Variants in MAGI2 observed in about 807,000 individuals in gnomAD.
The protein encoded by MAGI2 is membrane associated guanylate kinase, WW and PDZ domain containing 2.
A neutral mutation model predicts 133.3 loss-of-function variants in MAGI2; 35 were observed. That is an observed-to-expected ratio of 0.26 (90% confidence interval 0.20 to 0.35). The LOEUF (loss-of-function observed/expected upper bound fraction) is 0.35. Among genes scored for constraint, MAGI2 ranks in the 10% least tolerant of loss-of-function variants. The probability of loss-of-function intolerance (pLI) is 1.00; values close to 1 mark genes in which losing one functional copy is unlikely to be tolerated. For missense variants in MAGI2, 1,636 were observed against 1,863.4 expected, an observed-to-expected ratio of 0.88 and a Z score of 2.25; for synonymous variants, 729 against 710.6, an observed-to-expected ratio of 1.03 and a Z score of -0.41.
intron 13 of MAGI2, 106 bp from the exon 14 acceptor site, chr7:78,178,208 G>A: frequency 1.4e-6 from 1 of 715,258 alleles, no homozygotes; most frequent in Non-Finnish European, 2.4e-6. Flanking sequence ...CGATTAATGA[G>A]AGTGCTGTTA....
At chr7:78,301,303 A>C (rs1358631631) in intron 9 of MAGI2, among the ~76,000 whole-genome samples, 1 of 152,216 alleles carries the variant, frequency 6.6e-6, no homozygotes, top group East Asian at 1.9e-4. Flanking sequence ...CTTTCAAGAA[A>C]GATCAGTAAA....
rs1408179930 is a variant in MAGI2 at position 79,324,667 on chromosome 7, A to T, written c.301+128353T>A. 6.1e-4 allele frequency among the ~76,000 whole-genome samples: 9 copies of T among 14,660 alleles called. 3 individuals are homozygous for T. The highest frequency in any genetic ancestry group is 1.9e-3 in the African/African-American group (9 of 4,678). The allele number at this position is 14,660 out of a possible 152,430, so 9.6% of individuals were successfully genotyped here. On this transcript the variant is annotated intron_variant, in intron 1 of 21. Transcript: ENST00000354212. ...AAATATATATATATTATATATATAT[A>T]AAATATATATATATTATATATATAT... is the stretch of plus-strand genomic sequence containing the variant.
At chr7:78,397,514 G>A (rs1399667780) in intron 6 of MAGI2, among the ~76,000 whole-genome samples, 2 of 151,974 alleles carry the variant, frequency 1.3e-5, no homozygotes, top group East Asian at 3.9e-4. Context: ...GCATATCTGG[G>A]TTGGCCTGGA....
intron 3 of MAGI2, among the ~76,000 whole-genome samples, chr7:78,602,992 G>A (rs959188749): frequency 6.6e-6 from 1 of 152,096 alleles, no homozygotes; most frequent in South Asian, 2.1e-4. Flanking sequence ...AGAGAAATAC[G>A]ATCAAAGCTT....
chr7:78,093,075 G>T (rs1174387125), intron 20 of MAGI2, among the ~76,000 whole-genome samples: 1 of 141,130 alleles, frequency 7.1e-6, no homozygotes, highest in Non-Finnish European at 1.5e-5. Flanking sequence ...GGCAGAGCTT[G>T]CAGTGAGCCC....
chr7:79,360,051 T>C (rs1023010581), intron 1 of MAGI2, among the ~76,000 whole-genome samples: 5 of 152,108 alleles, frequency 3.3e-5, no homozygotes, highest in Non-Finnish European at 5.9e-5. Flanking sequence ...TTCAAAAAAA[T>C]TAAATTCATC....
At chr7:79,326,056 C>T (rs1839672229) in intron 1 of MAGI2, among the ~76,000 whole-genome samples, 1 of 152,124 alleles carries the variant, frequency 6.6e-6, no homozygotes, top group African/African-American at 2.4e-5. Context: ...TGCACAAAAA[C>T]ATTCACACAC....
intron 6 of MAGI2, among the ~76,000 whole-genome samples, chr7:78,393,018 C>T (rs530803289): frequency 1.3e-5 from 2 of 152,176 alleles, no homozygotes; most frequent in Admixed American, 6.5e-5. Context: ...CAGGACAGTG[C>T]ATGGAATATA....
Position 78,758,834 on chromosome 7 carries a change from G to A in MAGI2, c.419-131595C>T, listed in dbSNP as rs11982869. Among the ~76,000 whole-genome samples the A allele has an allele frequency of 7.2e-3, 1,099 of 152,152 alleles. 8 individuals carry two copies. The highest frequency in any genetic ancestry group is 0.025 in the African/African-American group (1,041 of 41,520). ...ATTCATTCTTCAAAATCTTATGTAG[G>A]TTCCTCCACACCTTAAGTTACACCC... On this transcript the variant is annotated intron_variant, in intron 2 of 21. Coordinates refer to ENST00000354212, the MANE Select transcript of MAGI2 (RefSeq NM_012301.4).
chr7:79,256,879 G>A (rs530055080), intron 1 of MAGI2, among the ~76,000 whole-genome samples: 2 of 152,134 alleles, frequency 1.3e-5, no homozygotes, highest in African/African-American at 4.8e-5. Flanking sequence ...ACACTCATAT[G>A]TACAATTTTC....
intron 9 of MAGI2, among the ~76,000 whole-genome samples, chr7:78,338,720 C>T (rs1382365700): frequency 6.6e-6 from 1 of 152,086 alleles, no homozygotes; most frequent in Non-Finnish European, 1.5e-5. Context: ...TACAGGTAAA[C>T]ATTTTATATT....
intron 2 of MAGI2, among the ~76,000 whole-genome samples, chr7:78,841,696 C>T (rs540634581): frequency 6.6e-6 from 1 of 151,992 alleles, no homozygotes; most frequent in Non-Finnish European, 1.5e-5. Flanking sequence ...AATATGCTCT[C>T]ATATTTTCTG....
chr7:78,451,048 T>C (rs1244319845), intron 6 of MAGI2, among the ~76,000 whole-genome samples: 4 of 152,106 alleles, frequency 2.6e-5, no homozygotes. Flanking sequence ...CAAGGTCATT[T>C]CTAGAAATAT....
chr7:78,920,640 T>G lies in MAGI2; in HGVS notation c.418+86450A>C, dbSNP rs550915723. On this transcript the variant is annotated intron_variant, in intron 2 of 21. Coordinates refer to ENST00000354212, the MANE Select transcript of MAGI2 (RefSeq NM_012301.4). ...GTCTGGTTTAGTTCTACATTCATTATGGTCTTATTTTATATCCTCCAAGCT... is the reference window on the plus strand; with the variant it reads ...GTCTGGTTTAGTTCTACATTCATTAGGGTCTTATTTTATATCCTCCAAGCT... Among the ~76,000 whole-genome samples the G allele has an allele frequency of 1.2e-4, 19 of 152,280 alleles. No individual in the cohort carries two copies. The East Asian group carries it at 3.7e-3, about 29-fold the overall frequency.
intron 1 of MAGI2, among the ~76,000 whole-genome samples, chr7:79,143,625 G>C (rs183490455): frequency 6.6e-6 from 1 of 152,230 alleles, no homozygotes; most frequent in East Asian, 1.9e-4. Context: ...AACACTTCAG[G>C]ATAAATGGCC....
chr7:78,484,195 A>C (rs546536351), intron 6 of MAGI2: 1 of 152,114 alleles, frequency 6.6e-6, no homozygotes, highest in South Asian at 2.1e-4. Flanking sequence ...TTAAGAAATG[A>C]ATTGAAACTA....
intron 1 of MAGI2, among the ~76,000 whole-genome samples, chr7:79,269,053 T>C (rs1305457519): frequency 2.0e-5 from 3 of 152,128 alleles, no homozygotes; most frequent in African/African-American, 4.8e-5. Flanking sequence ...GAAGGAAAAG[T>C]AAATTTCAAT....
chr7:78,518,213 G>A (rs961550265), intron 4 of MAGI2: 1 of 152,158 alleles, frequency 6.6e-6, no homozygotes, highest in African/African-American at 2.4e-5. Context: ...AAAGCAATAT[G>A]AAGTTTTTGG....
chr7:78,987,458 T>C (rs1018662499), intron 2 of MAGI2, among the ~76,000 whole-genome samples: 1 of 152,062 alleles, frequency 6.6e-6, no homozygotes, highest in African/African-American at 2.4e-5. Flanking sequence ...AAAATAATTA[T>C]CTTACTTTGA....
Sources: gnomAD v4.1 joint callset for allele counts (sites outside exome capture counted in the v4.1 genomes callset) on GRCh38, gnomAD v4.1.1 for gene constraint, MANE v1.5 for transcripts, NCBI Gene and HGNC (gene_info 2026-07-23, HGNC 2026-07-21) for gene names.